Variants in TBC1D22B observed in about 807,000 individuals in gnomAD.
TBC1D22B encodes TBC1 domain family member 22B, also known as chromosome 6 open reading frame 197.
A neutral mutation model predicts 69.1 loss-of-function variants in TBC1D22B; 32 were observed. The observed-to-expected ratio is 0.46, with a 90% CI of 0.35 to 0.62. The LOEUF (loss-of-function observed/expected upper bound fraction) is 0.62. Ranked by LOEUF, TBC1D22B falls within the 20% of genes least tolerant of loss-of-function variation. The pLI is 0.00. For missense variants in TBC1D22B, 462 were observed against 630.9 expected, an observed-to-expected ratio of 0.73 and a Z score of 2.87; for synonymous variants, 206 against 229.8, an observed-to-expected ratio of 0.90 and a Z score of 0.94.
At chr6:37,303,005 C>G (rs1767612757) in intron 8 of TBC1D22B, among the ~76,000 whole-genome samples, 1 of 152,202 alleles carries the variant, frequency 6.6e-6, no homozygotes, top group African/African-American at 2.4e-5. Context: ...CCAGCCATCA[C>G]ATCAATATTC....
chr6:37,323,344 A>T (rs554915904), intron 12 of TBC1D22B, among the ~76,000 whole-genome samples: 5 of 152,164 alleles, frequency 3.3e-5, no homozygotes, highest in Non-Finnish European at 7.4e-5. Flanking sequence ...CCTGGGCAAC[A>T]TAGGGAGACC....
At chr6:37,299,419 T>C (rs950066072) in intron 8 of TBC1D22B, among the ~76,000 whole-genome samples, 2 of 152,256 alleles carry the variant, frequency 1.3e-5, no homozygotes, top group Non-Finnish European at 2.9e-5. Flanking sequence ...ACCTAATATT[T>C]TCCCCAGACC....
intron 8 of TBC1D22B, among the ~76,000 whole-genome samples, chr6:37,306,791 A>G (rs900546019): frequency 2.6e-5 from 4 of 152,230 alleles, no homozygotes; most frequent in Admixed American, 6.5e-5. Context: ...GTTAATAGTC[A>G]CCACCCTGAT....
rs1368421880 is a variant in TBC1D22B at position 37,284,429 on chromosome 6, C to T, written c.766C>T (p.Arg256Ter). The T allele has an allele frequency of 5.0e-6, 8 of 1,603,400 alleles. No individual in the cohort carries two copies. The highest frequency in any genetic ancestry group is 1.7e-5 in the Admixed American group (1 of 57,822). The change falls in exon 6 of 13, where the codon CGA becomes TGA. Residue 256 changes from arginine to a stop codon, truncating the protein, a stop_gained. Transcript: ENST00000373491. LOFTEE classifies it high-confidence loss of function. ...FGFIEQYYDS[R>*]NEEHHQDTYR... ...CTTCATTGAACAGTATTATGACTCT[C>T]GAAACGAGGAACATCACCAGGATAC... is the stretch of plus-strand genomic sequence containing the variant.
rs549846702 is a variant in TBC1D22B, at chr6:37,332,031, A to T, written c.*859A>T. 6.5e-6 allele frequency: 1 copy of T among 152,798 alleles called. No homozygotes were observed. The highest frequency in any genetic ancestry group is 1.9e-4 in the East Asian group (1 of 5,192). 9.5% of individuals were successfully genotyped at this position (152,798 alleles called of 1,614,324 possible). On this transcript the variant is annotated 3_prime_UTR_variant, in exon 13 of 13. Coordinates refer to ENST00000373491, the MANE Select transcript of TBC1D22B (RefSeq NM_017772.4). ...TATATGGGTAAAGATGTACAAATAT[A>T]TGTCCTCTTTGTAGCAGATATGATT...
At chr6:37,265,561 G>A (rs1037969970) in intron 1 of TBC1D22B, among the ~76,000 whole-genome samples, 5 of 151,398 alleles carry the variant, frequency 3.3e-5, no homozygotes, top group African/African-American at 9.7e-5. Flanking sequence ...GGTCAGTGGG[G>A]GTGTCTAACA....
At chr6:37,267,190 A>G (rs1008855652) in intron 1 of TBC1D22B, among the ~76,000 whole-genome samples, 7 of 150,732 alleles carry the variant, frequency 4.6e-5, no homozygotes, top group African/African-American at 1.5e-4. Flanking sequence ...ACACCTCAGC[A>G]TCCCAAAGTC....
At chr6:37,299,242 A>AT (rs1213809423) in intron 8 of TBC1D22B, among the ~76,000 whole-genome samples, 1 of 151,784 alleles carries the variant, frequency 6.6e-6, no homozygotes, top group South Asian at 2.1e-4. Context: ...TCATTTACCT[A>AT]TTTTTTCTAA....
chr6:37,302,280 G>A (rs1401228065), intron 8 of TBC1D22B, among the ~76,000 whole-genome samples: 2 of 152,190 alleles, frequency 1.3e-5, no homozygotes, highest in African/African-American at 4.8e-5. Flanking sequence ...AGCTGTGTCT[G>A]GGTCTAGTGG....
chr6:37,330,821 A>AC (rs1404652226), intron 12 of TBC1D22B, among the ~76,000 whole-genome samples: 1 of 152,102 alleles, frequency 6.6e-6, no homozygotes, highest in Admixed American at 6.6e-5. Flanking sequence ...TTTTAAAGAG[A>AC]CAGGTGTTAG....
intron 8 of TBC1D22B, among the ~76,000 whole-genome samples, chr6:37,304,419 C>T (rs918582736): frequency 3.9e-5 from 6 of 152,168 alleles, no homozygotes; most frequent in Non-Finnish European, 7.3e-5. Context: ...AACAGATATC[C>T]ATACCACAGA....
chr6:37,272,767 G>C (rs1348268305), intron 2 of TBC1D22B, among the ~76,000 whole-genome samples: 1 of 152,152 alleles, frequency 6.6e-6, no homozygotes, highest in Non-Finnish European at 1.5e-5. Context: ...ACTATTCTTT[G>C]GTTTTATCAA....
At chr6:37,329,020 C>T (rs1768508265) in intron 12 of TBC1D22B, among the ~76,000 whole-genome samples, 2 of 148,334 alleles carry the variant, frequency 1.3e-5, no homozygotes, top group Non-Finnish European at 3.0e-5. Context: ...AGCCACTGCG[C>T]CCAGCCCAGA....
intron 1 of TBC1D22B, among the ~76,000 whole-genome samples, chr6:37,268,382 C>T (rs1379963332): frequency 4.6e-5 from 7 of 152,102 alleles, no homozygotes; most frequent in Non-Finnish European, 8.8e-5. Flanking sequence ...ACGTGCAGCA[C>T]CATGCCCAAC....
intron 2 of TBC1D22B, among the ~76,000 whole-genome samples, chr6:37,272,537 G>C (rs374339667): frequency 7.9e-5 from 12 of 151,862 alleles, no homozygotes. Flanking sequence ...ACAGGCATGG[G>C]CCACCATGCC....
intron 10 of TBC1D22B, among the ~76,000 whole-genome samples, chr6:37,315,995 G>A (rs1768066830): frequency 6.6e-6 from 1 of 152,228 alleles, no homozygotes. Flanking sequence ...CCTCTGAGGT[G>A]TGAATGATTA....
chr6:37,289,450 C>G lies in TBC1D22B; in HGVS notation c.868-1793C>G, dbSNP rs140989003. ...TACCAGGCTTGGTGCTCTTCAGTTT[C>G]CATCTCTTTGACCACTTCACTTGTA... is the stretch of plus-strand genomic sequence containing the variant. On this transcript the variant is annotated intron_variant, in intron 7 of 12. Coordinates refer to ENST00000373491, the MANE Select transcript of TBC1D22B (RefSeq NM_017772.4). 2.5e-4 allele frequency among the ~76,000 whole-genome samples: 38 copies of G among 152,304 alleles called. No individual in the cohort carries two copies. The East Asian group carries it at 7.3e-3, about 29-fold the overall frequency.
At chr6:37,278,439 GTGATAGC>G (rs1766729104) in intron 2 of TBC1D22B, among the ~76,000 whole-genome samples, 1 of 152,190 alleles carries the variant, frequency 6.6e-6, no homozygotes, top group Admixed American at 6.5e-5. Context: ...GCTGCTCTAA[GTGATAGC>G]AGATCAACTG....
intron 2 of TBC1D22B, among the ~76,000 whole-genome samples, chr6:37,272,632 C>T (rs148858039): frequency 1.3e-5 from 2 of 152,308 alleles, no homozygotes; most frequent in Non-Finnish European, 2.9e-5. Context: ...AAGTGATCAG[C>T]CTGCCTTGGC....
Sources: allele counts gnomAD v4.1 joint callset (sites outside exome capture counted in the v4.1 genomes callset), GRCh38; gene constraint gnomAD v4.1.1; transcripts MANE v1.5; gene names NCBI Gene and HGNC (gene_info 2026-07-23, HGNC 2026-07-21).